The following RTN3 variants were observed in gnomAD, a reference collection of about 807,000 sequenced individuals.
RTN3 encodes the protein reticulon-3.
In RTN3, 49 loss-of-function variants were observed where a neutral mutation model predicts 77.8. That is an observed-to-expected ratio of 0.63 (90% CI 0.50 to 0.80). The LOEUF is 0.80. Ranked by LOEUF, RTN3 falls within the 30% of genes least tolerant of loss-of-function variation. The pLI is 0.00. For missense variants in RTN3, 1,236 were observed against 1,211.9 expected, an observed-to-expected ratio of 1.02 and a Z score of -0.29; for synonymous variants, 464 against 446.9, an observed-to-expected ratio of 1.04 and a Z score of -0.48.
rs34834124 is a variant in RTN3, at chr11:63,729,989, CAG to C, written c.2530+8960_2530+8961del. ...TTTTATTTTTATTTATTTTTTGAGA[CAG>C]AGTCTCACTCTGTCACCCAGGCTGG... On this transcript the variant is annotated intron_variant, in intron 3 of 8. Coordinates refer to ENST00000377819, the MANE Select transcript of RTN3 (RefSeq NM_001265589.2). Among the ~76,000 whole-genome samples the C allele has an allele frequency of 6.6e-3, 1,002 of 152,060 alleles. 11 individuals are homozygous for C. Among genetic ancestry groups the C allele is most frequent in the African/African-American group, 0.023 (948 of 41,472 alleles).
chr11:63,734,140 T>G (rs1234757980), intron 3 of RTN3, among the ~76,000 whole-genome samples: 1 of 152,148 alleles, frequency 6.6e-6, no homozygotes, highest in Admixed American at 6.6e-5. Context: ...GCTGAACACT[T>G]TCTCCTGAAG....
chr11:63,704,009 TA>T (rs1252952159), intron 1 of RTN3, among the ~76,000 whole-genome samples: 1 of 151,740 alleles, frequency 6.6e-6, no homozygotes, highest in Non-Finnish European at 1.5e-5. Context: ...TTAATTAATT[TA>T]TTTTTTTTTT....
chr11:63,753,264 G>A (rs566848370), intron 6 of RTN3, 126 bp downstream of exon 6: 3 of 858,680 alleles, frequency 3.5e-6, no homozygotes, highest in African/African-American at 1.7e-5. Flanking sequence ...AGACCTGGGA[G>A]TAGAGGCACT....
rs1297020013 is a variant in RTN3, at chr11:63,759,789, C to T, written c.*1588C>T. The T allele has an allele frequency of 2.0e-5, 3 of 150,364 alleles. No individual in the cohort carries two copies. Among genetic ancestry groups the T allele is most frequent in the African/African-American group, 7.4e-5 (3 of 40,588 alleles). The allele number at this position is 150,364 out of a possible 1,614,324, so 9.3% of individuals were successfully genotyped here. ...ATGAAACTGTGTGTACGTGTCTGTG[C>T]GTGCAACATAAAAATACAGTAGCAC... is the stretch of plus-strand genomic sequence containing the variant. On this transcript the variant is annotated 3_prime_UTR_variant, in exon 9 of 9. Transcript: ENST00000377819.
intron 7 of RTN3, among the ~76,000 whole-genome samples, chr11:63,754,390 C>T (rs997549826): frequency 6.6e-6 from 1 of 151,782 alleles, no homozygotes; most frequent in African/African-American, 2.4e-5. Flanking sequence ...TTCATCTCTA[C>T]TAAAAATATA....
rs1195992946 is a variant in RTN3, at chr11:63,719,714, T to C, written c.1212T>C (p.Asp404=). The change falls in exon 3 of 9, where the codon GAT becomes GAC. Residue 404 remains aspartate, a synonymous_variant. Transcript: ENST00000377819. ...CTCCCATCACTAAATCAACAGGTGA[T>C]TGGGCAGAAGCATCTCTCCAGCAAG... ...GSTPITKSTG[D]WAEASLQQEN... 3 of 1,614,160 alleles carry C rather than the reference T, an allele frequency of 1.9e-6. No homozygotes were observed. The highest frequency in any genetic ancestry group is 2.2e-5 in the South Asian group (2 of 91,076).
At chr11:63,684,392 C>T (rs182470188) in intron 1 of RTN3, among the ~76,000 whole-genome samples, 6 of 152,144 alleles carry the variant, frequency 3.9e-5, no homozygotes, top group Admixed American at 6.5e-5. Flanking sequence ...CGTGATCCGC[C>T]CACCTCGGCC....
intron 3 of RTN3, among the ~76,000 whole-genome samples, chr11:63,735,566 C>CTCTCTCTCTCTCTCTA (rs2013047030): frequency 7.0e-6 from 1 of 142,896 alleles, no homozygotes; most frequent in African/African-American, 2.6e-5. Flanking sequence ...CTCTCTCTCT[C>CTCTCTCTCTCTCTCTA]TCTCTCTCTC....
At position 63,737,342 on chromosome 11, in the gene RTN3, T is replaced by C. The variant is rs140771110; in HGVS notation, c.2531-12649T>C. Among the ~76,000 whole-genome samples the C allele has an allele frequency of 9.7e-3, 1,478 of 152,236 alleles. 29 individuals are homozygous for C. Among genetic ancestry groups the C allele is most frequent in the African/African-American group, 0.033 (1,379 of 41,534 alleles). On this transcript the variant is annotated intron_variant, in intron 3 of 8. Coordinates refer to ENST00000377819, the MANE Select transcript of RTN3 (RefSeq NM_001265589.2). ...AGATTGATGGCCAGGCATGCCGGTG[T>C]CTCATGCCTGTAATCCCAGCACTTT...
At position 63,719,274 on chromosome 11, in the gene RTN3, G is replaced by A. The variant is rs750672220; in HGVS notation, c.772G>A (p.Asp258Asn). The change falls in exon 3 of 9, where the codon GAC becomes AAC. Residue 258 changes from aspartate (D) to asparagine (N), a missense_variant. Physicochemically the swap from Asp to Asn is conservative, Grantham distance 23. Around this residue, in one of 3 missense-constraint regions of RTN3, gnomAD observed 1,056 missense variants for 990.4 expected, o/e 1.07. Transcript: ENST00000377819. ...AGTAATTATTGACAAAGCAGCATTT[G>A]ACAAAGAATTTAAAGACTCATATAA... Reference protein sequence around the residue: ...FEVIIDKAAFDKEFKDSYKES... With the variant: ...FEVIIDKAAFNKEFKDSYKES... The A allele has an allele frequency of 6.2e-7, 1 of 1,614,094 alleles. No homozygotes were observed. The highest frequency in any genetic ancestry group is 8.5e-7 in the Non-Finnish European group (1 of 1,180,030).
chr11:63,720,226 G>T lies in RTN3; in HGVS notation c.1724G>T (p.Ser575Ile), dbSNP rs1217849239. The T allele has an allele frequency of 1.2e-6, 2 of 1,613,996 alleles. No individual in the cohort carries two copies. Among genetic ancestry groups the T allele is most frequent in the East Asian group, 2.2e-5 (1 of 44,896 alleles). The change falls in exon 3 of 9, where the codon AGT becomes ATT. Residue 575 changes from serine to isoleucine, a missense_variant. This residue lies in a region of RTN3 where 1,056 missense variants were observed against 990.4 expected (regional missense o/e 1.07). Coordinates refer to ENST00000377819, the MANE Select transcript of RTN3 (RefSeq NM_001265589.2). The part of the protein sequence containing the change: ...HQDQPDILGR[S>I]PASEAACSKV... ...GATCAGCCTGATATTCTTGGAAGGA[G>T]TCCAGCTAGTGAGGCAGCATGTTCA... is the stretch of plus-strand genomic sequence containing the variant.
intron 3 of RTN3, among the ~76,000 whole-genome samples, chr11:63,733,316 C>T (rs1420086352): frequency 6.6e-6 from 1 of 151,998 alleles, no homozygotes; most frequent in African/African-American, 2.4e-5. Flanking sequence ...GGTGAAACCC[C>T]GTCTCTACTA....
intron 3 of RTN3, among the ~76,000 whole-genome samples, chr11:63,734,440 G>T (rs2012925361): frequency 6.6e-6 from 1 of 150,698 alleles, no homozygotes; most frequent in Non-Finnish European, 1.5e-5. Context: ...AATCAAGACT[G>T]TCTCAAACAA....
chr11:63,706,712 T>A (rs994254419), intron 2 of RTN3, among the ~76,000 whole-genome samples: 1 of 152,152 alleles, frequency 6.6e-6, no homozygotes, highest in Non-Finnish European at 1.5e-5. Flanking sequence ...AACTTGACAA[T>A]ATTTTTATTT....
intron 3 of RTN3, among the ~76,000 whole-genome samples, chr11:63,724,484 C>CT (rs34237318): frequency 0.18 from 14,489 of 81,776 alleles, 2,184 homozygotes; most frequent in Non-Finnish European, 0.25. Context: ...GTGCCCGGCC[C>CT]TTTTTTTTTT....
intron 1 of RTN3, among the ~76,000 whole-genome samples, chr11:63,684,129 G>GTTTTTTTTT (rs61663789): frequency 7.0e-5 from 6 of 85,254 alleles, no homozygotes; most frequent in Non-Finnish European, 1.0e-4. Context: ...TTTTCTTTTG[G>GTTTTTTTTT]TTTTTTTTTT....
chr11:63,703,127 C>A (rs1284891466), intron 1 of RTN3, among the ~76,000 whole-genome samples: 1 of 151,818 alleles, frequency 6.6e-6, no homozygotes, highest in Non-Finnish European at 1.5e-5. Context: ...TAAAAAAAAA[C>A]ACAATTTTTA....
intron 1 of RTN3, among the ~76,000 whole-genome samples, chr11:63,686,676 A>G (rs1238568735): frequency 6.6e-6 from 1 of 151,958 alleles, no homozygotes; most frequent in East Asian, 1.9e-4. Flanking sequence ...AAGACAAAAA[A>G]GCAAGAATTA....
At chr11:63,699,712 T>G (rs560644358) in intron 1 of RTN3, among the ~76,000 whole-genome samples, 1 of 152,302 alleles carries the variant, frequency 6.6e-6, no homozygotes, top group South Asian at 2.1e-4. Flanking sequence ...CTCATGAACT[T>G]AAATCTTTAA....
Sources: allele counts gnomAD v4.1 joint callset (sites outside exome capture counted in the v4.1 genomes callset), GRCh38; gene constraint gnomAD v4.1.1; regional missense constraint gnomAD v4.1.1; transcripts MANE v1.5; gene names NCBI Gene and HGNC (gene_info 2026-07-23, HGNC 2026-07-21).